The following TMEM117 variants were observed in gnomAD, a reference collection of about 807,000 sequenced individuals.
TMEM117 encodes transmembrane protein 117.
TMEM117 carries 27 observed loss-of-function variants against 52.4 expected under a neutral mutation model. That is an observed-to-expected ratio of 0.51 (90% CI 0.38 to 0.71). The LOEUF is 0.71. Ranked by LOEUF, TMEM117 falls within the 30% of genes least tolerant of loss-of-function variation. The probability of loss-of-function intolerance (pLI) is 0.00; values close to 1 mark genes in which losing one functional copy is unlikely to be tolerated. For missense variants in TMEM117, 556 were observed against 630.5 expected, an observed-to-expected ratio of 0.88 and a Z score of 1.26; for synonymous variants, 215 against 206.3, an observed-to-expected ratio of 1.04 and a Z score of -0.36.
At chr12:44,152,118 T>G (rs1462695528) in intron 4 of TMEM117, among the ~76,000 whole-genome samples, 1 of 113,246 alleles carries the variant, frequency 8.8e-6, no homozygotes, top group Non-Finnish European at 1.6e-5. Flanking sequence ...ATAATATAAA[T>G]GTATATTATA....
intron 3 of TMEM117, among the ~76,000 whole-genome samples, chr12:44,100,653 C>T (rs1204209289): frequency 6.6e-6 from 1 of 152,036 alleles, no homozygotes; most frequent in East Asian, 1.9e-4. Flanking sequence ...AAATTTTCCT[C>T]AAGTTATTGC....
At chr12:44,266,799 G>C (rs1421871182) in intron 5 of TMEM117, among the ~76,000 whole-genome samples, 1 of 152,062 alleles carries the variant, frequency 6.6e-6, no homozygotes, top group East Asian at 1.9e-4. Flanking sequence ...TATGGTATAG[G>C]ATAGTATCTA....
intron 2 of TMEM117, among the ~76,000 whole-genome samples, chr12:43,894,102 C>A (rs1348863672): frequency 6.6e-6 from 1 of 152,172 alleles, no homozygotes; most frequent in East Asian, 1.9e-4. Flanking sequence ...TCACTGAAAT[C>A]ACAGGCCAGC....
At chr12:44,103,388 G>A (rs970262356) in intron 3 of TMEM117, among the ~76,000 whole-genome samples, 2 of 151,926 alleles carry the variant, frequency 1.3e-5, no homozygotes, top group African/African-American at 4.8e-5. Flanking sequence ...ACCACAGAAT[G>A]CCCTGCTGAA....
At chr12:43,834,108 A>G (rs1942998285), upstream of TMEM117, among the ~76,000 whole-genome samples, 1 of 152,220 alleles carries the variant, frequency 6.6e-6, no homozygotes, top group Admixed American at 6.5e-5. Flanking sequence ...AAATAGTAGT[A>G]ATAAAAGAAA....
In TMEM117 at chr12:44,306,952, G is replaced by A. The variant is rs189125573; in HGVS notation, c.768+7213G>A. Among the ~76,000 whole-genome samples the A allele has an allele frequency of 5.2e-4, 79 of 152,296 alleles. 1 individual carries two copies. Among genetic ancestry groups the A allele is most frequent in the Non-Finnish European group, 1.0e-3 (68 of 68,016 alleles). On this transcript the variant is annotated intron_variant, in intron 6 of 7. Transcript: ENST00000266534. ...GGAGAGAAGTGATATTTCCTGAAAA[G>A]CAATTGTTAATGCACTGAAAAAATA...
chr12:43,981,136 A>G (rs1945753640), intron 3 of TMEM117, among the ~76,000 whole-genome samples: 1 of 152,026 alleles, frequency 6.6e-6, no homozygotes, highest in Non-Finnish European at 1.5e-5. Flanking sequence ...AATTTTTATA[A>G]CTTTTCCCAC....
At chr12:44,241,211 TTG>T (rs1038701591) in intron 5 of TMEM117, among the ~76,000 whole-genome samples, 11 of 150,686 alleles carry the variant, frequency 7.3e-5, no homozygotes, top group Admixed American at 1.3e-4. Flanking sequence ...CTATTTTTTA[TTG>T]TGTTTTTTTT....
chr12:43,945,884 T>G (rs1277739254), intron 3 of TMEM117, among the ~76,000 whole-genome samples: 4 of 152,200 alleles, frequency 2.6e-5, no homozygotes, highest in Non-Finnish European at 5.9e-5. Context: ...GCTACCATTG[T>G]TCAGTACTGA....
intron 5 of TMEM117, among the ~76,000 whole-genome samples, chr12:44,295,825 A>G (rs1215190734): frequency 6.6e-6 from 1 of 152,140 alleles, no homozygotes; most frequent in Non-Finnish European, 1.5e-5. Flanking sequence ...GACAGTTCAT[A>G]GATCTCAATT....
chr12:44,398,664 G>C, the TMEM117 span, among the ~76,000 whole-genome samples: 3 of 152,262 alleles, frequency 2.0e-5, no homozygotes, highest in East Asian at 5.8e-4. Flanking sequence ...CTGGGGGCAG[G>C]CTACTGGGAC....
intron 4 of TMEM117, among the ~76,000 whole-genome samples, chr12:44,172,295 G>A (rs1214431364): frequency 6.6e-6 from 1 of 152,182 alleles, no homozygotes; most frequent in African/African-American, 2.4e-5. Flanking sequence ...TGAAACCAAG[G>A]TGTTGGCAGG....
intron 6 of TMEM117, among the ~76,000 whole-genome samples, chr12:44,326,649 G>C (rs1951199755): frequency 6.6e-6 from 1 of 152,174 alleles, no homozygotes; most frequent in Admixed American, 6.5e-5. Context: ...TCCACTGTGA[G>C]TTTTCCTTTA....
intron 3 of TMEM117, among the ~76,000 whole-genome samples, chr12:44,096,815 A>G (rs917081648): frequency 6.6e-6 from 1 of 152,138 alleles, no homozygotes; most frequent in African/African-American, 2.4e-5. Context: ...CAAGGACTTC[A>G]TGTCTAAAAC....
chr12:43,872,020 A>T (rs1006816274), intron 2 of TMEM117, among the ~76,000 whole-genome samples: 2 of 152,160 alleles, frequency 1.3e-5, no homozygotes, highest in African/African-American at 4.8e-5. Context: ...CAGCCTCCTC[A>T]GTAGCTTGGA....
rs200809736 is a variant in TMEM117 at position 44,191,357 on chromosome 12, ATCTGTCTG to A, written c.511-19909_511-19902del. On this transcript the variant is annotated intron_variant, in intron 4 of 7. Coordinates refer to ENST00000266534, the MANE Select transcript of TMEM117 (RefSeq NM_032256.3). ...ACAGCCAAACCATGTCTATCTATCT[ATCTGTCTG>A]TCTGTCTGTCTGTCTGTCTGTCTAT... Among the ~76,000 whole-genome samples, 279 of 148,548 alleles carry A rather than the reference ATCTGTCTG, an allele frequency of 1.9e-3. 2 individuals carry two copies. Among genetic ancestry groups the A allele is most frequent in the Middle Eastern group, 0.011 (3 of 276 alleles).
At chr12:44,224,721 G>A (rs770733420) in intron 5 of TMEM117, among the ~76,000 whole-genome samples, 1 of 152,056 alleles carries the variant, frequency 6.6e-6, no homozygotes, top group African/African-American at 2.4e-5. Flanking sequence ...AGCAGGTTTT[G>A]CTTTTGAATA....
chr12:44,375,279 A>C (rs1248423731), intron 6 of TMEM117, among the ~76,000 whole-genome samples: 1 of 152,216 alleles, frequency 6.6e-6, no homozygotes, highest in Admixed American at 6.5e-5. Context: ...TTTGCTGCTG[A>C]TGTCTGAAAG....
At chr12:44,114,933 C>T (rs1227980920) in intron 3 of TMEM117, among the ~76,000 whole-genome samples, 2 of 152,174 alleles carry the variant, frequency 1.3e-5, no homozygotes, top group African/African-American at 4.8e-5. Context: ...TAAAATATCT[C>T]TTTAATCTTA....
Sources: gnomAD v4.1 joint callset for allele counts (sites outside exome capture counted in the v4.1 genomes callset) on GRCh38, gnomAD v4.1.1 for gene constraint, MANE v1.5 for transcripts, NCBI Gene and HGNC (gene_info 2026-07-23, HGNC 2026-07-21) for gene names.